The following ZNF586 variants were observed in gnomAD, a reference collection of about 807,000 sequenced individuals.
ZNF586 encodes the protein zinc finger protein 586.
In ZNF586, 7 loss-of-function variants were observed where a neutral mutation model predicts 6.7. The observed-to-expected ratio is 1.04, with a 90% CI of 0.59 to 1.95. ZNF586 has a LOEUF of 1.95. Ranked by LOEUF, ZNF586 falls within the 30% of genes most tolerant of loss-of-function variation. The pLI, the probability that ZNF586 is intolerant of heterozygous loss-of-function variation, is 0.00. For missense variants in ZNF586, 442 were observed against 489.6 expected, an observed-to-expected ratio of 0.90 and a Z score of 0.92; for synonymous variants, 166 against 168.7, an observed-to-expected ratio of 0.98 and a Z score of 0.12.
chr19:57,771,637 G>C (rs912540102), intron 1 of ZNF586, among the ~76,000 whole-genome samples: 2 of 152,106 alleles, frequency 1.3e-5, no homozygotes, highest in African/African-American at 4.8e-5. Context: ...AAACTAGAGG[G>C]GTGAGGTGAT....
intron 1 of ZNF586, among the ~76,000 whole-genome samples, chr19:57,771,638 G>T (rs1004990684): frequency 6.6e-6 from 1 of 152,140 alleles, no homozygotes; most frequent in East Asian, 1.9e-4. Flanking sequence ...AACTAGAGGG[G>T]TGAGGTGATG....
chr19:57,772,003 T>C (rs1987108456), intron 1 of ZNF586, among the ~76,000 whole-genome samples: 1 of 152,158 alleles, frequency 6.6e-6, no homozygotes, highest in South Asian at 2.1e-4. Context: ...TTTTGTATTT[T>C]TAGTAGAGAC....
chr19:57,777,357 A>C (rs531258780), intron 2 of ZNF586, among the ~76,000 whole-genome samples: 221 of 151,932 alleles, frequency 1.5e-3, no homozygotes, highest in African/African-American at 5.1e-3. Flanking sequence ...GTAGTTGCTC[A>C]TCTTGGTGGT....
intron 2 of ZNF586, among the ~76,000 whole-genome samples, chr19:57,777,151 A>C (rs992183724): frequency 2.0e-5 from 3 of 152,210 alleles, no homozygotes; most frequent in African/African-American, 7.2e-5. Flanking sequence ...TTCAGAGGCT[A>C]CTCGGAGCCC....
chr19:57,772,423 G>A (rs757876419), intron 1 of ZNF586, among the ~76,000 whole-genome samples: 1 of 151,962 alleles, frequency 6.6e-6, no homozygotes, highest in Non-Finnish European at 1.5e-5. Flanking sequence ...GTGGACATCA[G>A]ATCCCACAGG....
chr19:57,772,678 G>A, intron 1 of ZNF586, among the ~76,000 whole-genome samples: 1 of 152,084 alleles, frequency 6.6e-6, no homozygotes, highest in South Asian at 2.1e-4. Flanking sequence ...ATGCATAAGG[G>A]GAAGCGACCC....
intron 1 of ZNF586, among the ~76,000 whole-genome samples, chr19:57,771,056 C>T (rs1263616895): frequency 6.6e-6 from 1 of 151,924 alleles, no homozygotes; most frequent in South Asian, 2.1e-4. Flanking sequence ...AATCCTAGCA[C>T]TTTGGGAGGC....
At chr19:57,776,714 C>T (rs1568483529) in intron 2 of ZNF586, 45 bp downstream of exon 2, 1 of 1,547,712 alleles carries the variant, frequency 6.5e-7, no homozygotes, top group Non-Finnish European at 8.7e-7. Context: ...GTCTGTGCCC[C>T]TCACCTTTAT....
Position 57,778,846 on chromosome 19 carries a change from C to G in ZNF586, c.259C>G (p.Pro87Ala). Residue 87 changes from proline to alanine, a missense_variant, in exon 3 of 3, where the codon CCT (proline) becomes GCT (alanine). Transcript: ENST00000396154. ...CCAGGGAGGTCATAGTGGAGAAAGG[C>G]CTTATGAGTGTGGGGAATATAGGAA... ...KDQGGHSGERPYECGEYRKLF... is the reference protein window; with the variant it reads ...KDQGGHSGERAYECGEYRKLF... 6.2e-7 allele frequency: 1 copy of G among 1,614,114 alleles called. No individual in the cohort carries two copies. The highest frequency in any genetic ancestry group is 2.2e-5 in the East Asian group (1 of 44,878).
rs768819361 is a variant in ZNF586 at position 57,778,910 on chromosome 19, G to A, written c.323G>A (p.Arg108Lys). The A allele has an allele frequency of 6.2e-7, 1 of 1,614,022 alleles. No homozygotes were observed. The highest frequency in any genetic ancestry group is 2.2e-5 in the East Asian group (1 of 44,894). The change falls in exon 3 of 3, where the codon AGA becomes AAA. Residue 108 changes from arginine to lysine, a missense_variant. Coordinates refer to ENST00000396154, the MANE Select transcript of ZNF586 (RefSeq NM_017652.4). Reference protein sequence around the residue: ...KNKSCLTEPRRDHKHRNVRTG... With the variant: ...KNKSCLTEPRKDHKHRNVRTG... ...AAGTCCTGCCTCACTGAACCCAGAA[G>A]AGATCACAAACACAGGAATGTTCGC...
At chr19:57,770,852 C>T (rs1241975873) in intron 1 of ZNF586, among the ~76,000 whole-genome samples, 1 of 151,866 alleles carries the variant, frequency 6.6e-6, no homozygotes, top group East Asian at 1.9e-4. Flanking sequence ...TAGATCTTGG[C>T]ATCTTTTTTT....
chr19:57,775,756 C>CA (rs1273968190), intron 1 of ZNF586, among the ~76,000 whole-genome samples: 3 of 152,136 alleles, frequency 2.0e-5, no homozygotes, highest in Admixed American at 6.6e-5. Context: ...GTGCATGCCA[C>CA]CATACCCAGC....
At chr19:57,776,716 C>CAGA in intron 2 of ZNF586, 47 bp downstream of exon 2, 1 of 1,539,538 alleles carries the variant, frequency 6.5e-7, no homozygotes, top group Non-Finnish European at 8.7e-7. Flanking sequence ...CTGTGCCCCT[C>CAGA]ACCTTTATGC....
intron 1 of ZNF586, among the ~76,000 whole-genome samples, chr19:57,775,062 G>A (rs1987198121): frequency 6.6e-6 from 1 of 151,040 alleles, no homozygotes; most frequent in South Asian, 2.1e-4. Flanking sequence ...TACAGTGGCA[G>A]ATCTCATCTC....
chr19:57,778,656 A>G (rs901159906), intron 2 of ZNF586, 95 bp from the exon 3 acceptor site: 1 of 1,188,460 alleles, frequency 8.4e-7, no homozygotes, highest in African/African-American at 1.5e-5. Context: ...AAATAATTCC[A>G]TAGACTAGTT....
At chr19:57,770,232 C>T (rs1987061224) in intron 1 of ZNF586, among the ~76,000 whole-genome samples, 1 of 149,162 alleles carries the variant, frequency 6.7e-6, no homozygotes, top group South Asian at 2.1e-4. Flanking sequence ...TCTCGGCTCA[C>T]TGCAAGCTCC....
chr19:57,774,781 G>A, intron 1 of ZNF586: 3 of 983,358 alleles, frequency 3.1e-6, no homozygotes, highest in South Asian at 9.4e-5. Flanking sequence ...TGTGGATGAT[G>A]TCAGCCACAT....
rs1351613032 is a variant in ZNF586 at position 57,780,449 on chromosome 19, C to A, written c.*653C>A. 3 of 152,092 alleles carry A rather than the reference C, an allele frequency of 2.0e-5. No homozygotes were observed. Among genetic ancestry groups the A allele is most frequent in the Non-Finnish European group, 4.4e-5 (3 of 68,034 alleles). 9.4% of individuals were successfully genotyped at this position (152,092 alleles called of 1,614,324 possible). A position where few individuals can be genotyped will look rare whatever the true frequency, so the allele number is the denominator to read the frequency against. ...CTGATAACTTGAAAAAATGGACTACCTTTTTCAGGGATCTTTTGGATCTCA... is the reference window on the plus strand; with the variant it reads ...CTGATAACTTGAAAAAATGGACTACATTTTTCAGGGATCTTTTGGATCTCA... On this transcript the variant is annotated 3_prime_UTR_variant, in exon 3 of 3. Coordinates refer to ENST00000396154, the MANE Select transcript of ZNF586 (RefSeq NM_017652.4).
At chr19:57,770,855 CT>C (rs542127024) in intron 1 of ZNF586, among the ~76,000 whole-genome samples, 469 of 146,674 alleles carry the variant, frequency 3.2e-3, no homozygotes, top group Non-Finnish European at 4.2e-3. Context: ...ATCTTGGCAT[CT>C]TTTTTTTTTT....
Sources: gnomAD v4.1 joint callset for allele counts (sites outside exome capture counted in the v4.1 genomes callset) on GRCh38, gnomAD v4.1.1 for gene constraint, MANE v1.5 for transcripts, NCBI Gene and HGNC (gene_info 2026-07-23, HGNC 2026-07-21) for gene names.